TTC28: variants seen among roughly 807,000 people sequenced by gnomAD.
TTC28 encodes the protein tetratricopeptide repeat domain 28.
Under a neutral mutation model 198.0 loss-of-function variants are expected in TTC28, and 61 were observed. That is an observed-to-expected ratio of 0.31 (90% CI 0.25 to 0.38). The LOEUF (loss-of-function observed/expected upper bound fraction) is 0.38. Ranked by LOEUF, TTC28 falls within the 10% of genes least tolerant of loss-of-function variation. TTC28 has a pLI of 1.00. For missense variants in TTC28, 2,678 were observed against 3,164.0 expected (o/e 0.85, Z 3.69); for synonymous variants, 1,171 against 1,297.8 (o/e 0.90, Z 2.10).
intron 12 of TTC28, among the ~76,000 whole-genome samples, chr22:28,087,064 C>T (rs545785368): frequency 2.1e-4 from 32 of 152,244 alleles, no homozygotes; most frequent in Admixed American, 1.2e-3. Flanking sequence ...GGATTCACAG[C>T]GGAATTCTAC....
intron 5 of TTC28, among the ~76,000 whole-genome samples, chr22:28,184,524 A>G (rs1197587202): frequency 6.6e-6 from 1 of 152,176 alleles, no homozygotes; most frequent in East Asian, 1.9e-4. Context: ...TAATATGTTC[A>G]CTGAAGAAAA....
chr22:28,172,768 C>T (rs778415686), intron 5 of TTC28, among the ~76,000 whole-genome samples: 1 of 152,196 alleles, frequency 6.6e-6, no homozygotes, highest in Non-Finnish European at 1.5e-5. Context: ...ATGAAGCACA[C>T]ATCATTGCCT....
chr22:28,529,342 A>C (rs538609711), intron 2 of TTC28, among the ~76,000 whole-genome samples: 4 of 152,326 alleles, frequency 2.6e-5, no homozygotes, highest in African/African-American at 9.6e-5. Flanking sequence ...ACTGCAAGGC[A>C]GCAGCGAGGC....
chr22:28,378,738 C>A (rs1411273505), intron 2 of TTC28, among the ~76,000 whole-genome samples: 12 of 151,740 alleles, frequency 7.9e-5, no homozygotes. Context: ...TGAAGATATA[C>A]CAATTGAAAC....
intron 15 of TTC28, 116 bp downstream of exon 15, chr22:28,001,258 C>T (rs1283865584): frequency 6.1e-6 from 8 of 1,301,480 alleles, no homozygotes; most frequent in Non-Finnish European, 8.3e-6. Context: ...ATAAAATCAA[C>T]ACTTTTGAGG....
Position 28,525,237 on chromosome 22 carries a change from C to T in TTC28, c.381+104315G>A, listed in dbSNP as rs572826573. Reference sequence around the variant, plus strand: ...CAATCATGGCTCACTGTATGTACCTCGACCTCCCAGGTTCAACTAATCCTC... The same window carrying T: ...CAATCATGGCTCACTGTATGTACCTTGACCTCCCAGGTTCAACTAATCCTC... On this transcript the variant is annotated intron_variant, in intron 2 of 22. Coordinates refer to ENST00000397906, the MANE Select transcript of TTC28 (RefSeq NM_001145418.2). Among the ~76,000 whole-genome samples the T allele has an allele frequency of 3.9e-5, 6 of 152,230 alleles. No individual in the cohort carries two copies. The South Asian group carries it at 6.2e-4, about 16-fold the overall frequency.
intron 2 of TTC28, among the ~76,000 whole-genome samples, chr22:28,536,580 C>A (rs1169046592): frequency 6.6e-6 from 1 of 151,852 alleles, no homozygotes; most frequent in South Asian, 2.1e-4. Flanking sequence ...GCCGAGATTG[C>A]GCCACTGCAC....
chr22:28,610,035 T>G (rs1251730763), intron 2 of TTC28, among the ~76,000 whole-genome samples: 1 of 152,148 alleles, frequency 6.6e-6, no homozygotes, highest in Non-Finnish European at 1.5e-5. Flanking sequence ...ACTGCCTCTC[T>G]AGATTCCTCC....
chr22:27,983,524 G>T lies in TTC28; in HGVS notation c.6143C>A (p.Ala2048Glu). The change falls in exon 23 of 23, where the codon GCA (alanine) becomes GAA (glutamate). Residue 2048 changes from alanine to glutamate, a missense_variant. By Grantham distance (107) the Ala-to-Glu change is moderately radical. Transcript: ENST00000397906. ...RSQLPPQTRP[A>E]GNKDEEEYEG... The stretch of plus-strand genomic sequence containing the variant: ...ATATTCTTCTTCATCTTTGTTGCCT[G>T]CAGGGCGGGTCTGGGGAGGCAGCTG... 6.4e-7 allele frequency: 1 copy of T among 1,550,614 alleles called. No individual in the cohort carries two copies. Among genetic ancestry groups the T allele is most frequent in the South Asian group, 1.2e-5 (1 of 83,994 alleles).
intron 5 of TTC28, among the ~76,000 whole-genome samples, chr22:28,268,909 T>C (rs906519110): frequency 3.9e-5 from 6 of 152,200 alleles, no homozygotes; most frequent in Admixed American, 2.6e-4. Flanking sequence ...TGACAATCTA[T>C]TCTTTCTGAT....
At chr22:28,215,352 C>T (rs926681004) in intron 5 of TTC28, among the ~76,000 whole-genome samples, 4 of 152,148 alleles carry the variant, frequency 2.6e-5, no homozygotes, top group Non-Finnish European at 5.9e-5. Context: ...AGTTTCCATG[C>T]TCATTCACTA....
rs531578189 is a variant in TTC28 at position 28,652,032 on chromosome 22, G to T, written c.103-22202C>A. Among the ~76,000 whole-genome samples the T allele has an allele frequency of 7.9e-5, 12 of 151,294 alleles. 1 individual carries two copies. The highest frequency in any genetic ancestry group is 2.9e-4 in the African/African-American group (12 of 41,242). On this transcript the variant is annotated intron_variant, in intron 1 of 22. Coordinates refer to ENST00000397906, the MANE Select transcript of TTC28 (RefSeq NM_001145418.2). ...TTTTTGTATTTTTAGTAGAGACAGG[G>T]TTTCACCACATTGGCCAGGCTGGTC...
intron 5 of TTC28, among the ~76,000 whole-genome samples, chr22:28,222,381 C>T (rs142013165): frequency 3.9e-5 from 6 of 152,296 alleles, no homozygotes; most frequent in East Asian, 1.9e-4. Flanking sequence ...CTACACGACC[C>T]GAAGGTGATT....
At chr22:28,117,767 A>AT (rs1187899957) in intron 6 of TTC28, among the ~76,000 whole-genome samples, 2 of 152,212 alleles carry the variant, frequency 1.3e-5, no homozygotes, top group African/African-American at 2.4e-5. Context: ...TTCTTTTAGA[A>AT]TTCAGCTACC....
At chr22:28,439,983 C>G (rs1568944389) in intron 2 of TTC28, among the ~76,000 whole-genome samples, 1 of 152,068 alleles carries the variant, frequency 6.6e-6, no homozygotes, top group East Asian at 1.9e-4. Flanking sequence ...TTACAGGCAC[C>G]GTCACTACGA....
intron 2 of TTC28, among the ~76,000 whole-genome samples, chr22:28,591,726 T>A (rs1026061293): frequency 2.6e-5 from 4 of 152,194 alleles, no homozygotes; most frequent in Non-Finnish European, 4.4e-5. Context: ...TATACCTTTT[T>A]TTATAGTGTC....
chr22:28,576,494 C>T (rs2050152766), intron 2 of TTC28, among the ~76,000 whole-genome samples: 2 of 151,998 alleles, frequency 1.3e-5, no homozygotes, highest in African/African-American at 4.8e-5. Context: ...TAATATTAGC[C>T]TCATAGAATG....
intron 5 of TTC28, among the ~76,000 whole-genome samples, chr22:28,277,303 G>A (rs1356030261): frequency 1.3e-5 from 2 of 152,156 alleles, no homozygotes. Flanking sequence ...ATGTTGCATG[G>A]TAATTAGAGA....
chr22:28,139,059 TG>T (rs1943266944), intron 6 of TTC28, among the ~76,000 whole-genome samples: 1 of 149,848 alleles, frequency 6.7e-6, no homozygotes, highest in African/African-American at 2.5e-5. Context: ...TTTTGGGGGT[TG>T]GGGAGAGATG....
Sources: gnomAD v4.1 joint callset for allele counts (sites outside exome capture counted in the v4.1 genomes callset) on GRCh38, gnomAD v4.1.1 for gene constraint, MANE v1.5 for transcripts, NCBI Gene and HGNC (gene_info 2026-07-23, HGNC 2026-07-21) for gene names.